LAMB1: variants seen among roughly 807,000 people sequenced by gnomAD.
LAMB1 encodes laminin subunit beta-1.
LAMB1 carries 121 observed loss-of-function variants against 222.3 expected under a neutral mutation model. The ratio of observed to expected loss-of-function variants is 0.54; its 90% CI spans 0.47 to 0.63. The LOEUF (loss-of-function observed/expected upper bound fraction) is 0.63. LAMB1 is among the 30% of genes least tolerant of loss of function. The pLI is 0.00. For missense variants in LAMB1, 2,172 were observed against 2,240.8 expected, an observed-to-expected ratio of 0.97 and a Z score of 0.62; for synonymous variants, 794 against 807.2, an observed-to-expected ratio of 0.98 and a Z score of 0.28.
At chr7:107,994,690 T>G (rs981869936) in intron 5 of LAMB1, among the ~76,000 whole-genome samples, 197 bp downstream of exon 5, 1 of 152,254 alleles carries the variant, frequency 6.6e-6, no homozygotes, top group Non-Finnish European at 1.5e-5. Context: ...CTCTTTCTAC[T>G]TATTGTCATG....
At chr7:107,972,313 TG>T (rs1473359921) in intron 13 of LAMB1, among the ~76,000 whole-genome samples, 1 of 152,184 alleles carries the variant, frequency 6.6e-6, no homozygotes, top group Non-Finnish European at 1.5e-5. Context: ...GTGTTCTCTC[TG>T]GGAAGACTCA....
chr7:107,941,803 C>T (rs1244001937), intron 24 of LAMB1, among the ~76,000 whole-genome samples: 1 of 131,198 alleles, frequency 7.6e-6, no homozygotes, highest in Non-Finnish European at 1.6e-5. Context: ...GGATTACAGG[C>T]ATGCGCCACC....
Position 108,003,121 on chromosome 7 carries a change from G to C in LAMB1, c.-97C>G. Reference sequence around the variant, plus strand: ...CTTTGTTCTCCTCACCCGGCGACGCGAGCTCTCGCCCTGCTCCGGGAGCCC... The same window carrying C: ...CTTTGTTCTCCTCACCCGGCGACGCCAGCTCTCGCCCTGCTCCGGGAGCCC... On this transcript the variant is annotated 5_prime_UTR_variant, in exon 1 of 34. Transcript: ENST00000222399. 1 of 844,326 alleles carries C rather than the reference G, an allele frequency of 1.2e-6. No homozygotes were observed. The highest frequency in any genetic ancestry group is 1.7e-6 in the Non-Finnish European group (1 of 577,428). 52.3% of individuals were successfully genotyped at this position (844,326 alleles called of 1,614,324 possible). A position where few individuals can be genotyped will look rare whatever the true frequency, so the allele number is the denominator to read the frequency against.
intron 5 of LAMB1, among the ~76,000 whole-genome samples, chr7:107,989,979 C>A (rs899383821): frequency 6.6e-6 from 1 of 152,100 alleles, no homozygotes; most frequent in Non-Finnish European, 1.5e-5. Flanking sequence ...CATTGCTGCA[C>A]AGTTGCCTCC....
chr7:107,959,696 C>T lies in LAMB1; in HGVS notation c.2453G>A (p.Cys818Tyr). 3 of 1,614,228 alleles carry T rather than the reference C, an allele frequency of 1.9e-6. No homozygotes were observed. Among genetic ancestry groups the T allele is most frequent in the Non-Finnish European group, 2.5e-6 (3 of 1,180,044 alleles). Residue 818 changes from cysteine to tyrosine, a missense_variant, in exon 19 of 34, where the codon TGC becomes TAC. Cys to Tyr is a radical substitution (Grantham distance 194, BLOSUM62 -2). Transcript: ENST00000222399. ...AATGCTTTTGAGGAACCTACGTTTG[C>T]ATCCACTGGGGCCAAAGCCAAAAGT... ...PGTFGFGPSG[C>Y]KPCECHLQGS...
chr7:107,935,067 T>C (rs565374665), intron 27 of LAMB1, among the ~76,000 whole-genome samples: 3 of 151,690 alleles, frequency 2.0e-5, no homozygotes, highest in Non-Finnish European at 2.9e-5. Flanking sequence ...GGAAAAAAAA[T>C]ATTAAAGAAA....
At chr7:107,927,128 C>G (rs2032584710) in intron 31 of LAMB1, among the ~76,000 whole-genome samples, 2 of 152,068 alleles carry the variant, frequency 1.3e-5, no homozygotes, top group Non-Finnish European at 1.5e-5. Flanking sequence ...AATAACAGTA[C>G]TGCTATAATG....
Position 107,955,501 on chromosome 7 carries a change from T to C in LAMB1, c.2820A>G (p.Leu940=). ...ARSCYQDPVT[L]QLACVCDPGY... ...CAGGATCACAAACACAGGCAAGCTG[T>C]AAAGTAACAGGATCTTGGTAGCAGC... Residue 940 remains leucine, a synonymous_variant, in exon 21 of 34, where the codon TTA becomes TTG. Coordinates refer to ENST00000222399, the MANE Select transcript of LAMB1 (RefSeq NM_002291.3). 6.2e-7 allele frequency: 1 copy of C among 1,614,028 alleles called. No individual in the cohort carries two copies. Among genetic ancestry groups the C allele is most frequent in the South Asian group, 1.1e-5 (1 of 91,072 alleles).
At chr7:107,940,423 A>C in intron 24 of LAMB1, 65 bp from the exon 25 acceptor site, 1 of 1,507,804 alleles carries the variant, frequency 6.6e-7, no homozygotes. Flanking sequence ...AAGATGTGGC[A>C]TTTAGAATAC....
chr7:107,935,504 A>C lies in LAMB1; in HGVS notation c.4099T>G (p.Phe1367Val), dbSNP rs765809321. 2 of 1,613,694 alleles carry C rather than the reference A, an allele frequency of 1.2e-6. No homozygotes were observed. Among genetic ancestry groups the C allele is most frequent in the African/African-American group, 2.7e-5 (2 of 74,884 alleles). ...EDVMMERESQ[F>V]KEKQEEQARL... ...GCCTGCTCCTCTTGTTTTTCCTTGA[A>C]CTGGGATTCTCGCTCCATCATCACG... The change falls in exon 27 of 34, where the codon TTC (phenylalanine) becomes GTC (valine). Residue 1367 changes from phenylalanine to valine, a missense_variant. Phe to Val is a conservative substitution (Grantham distance 50, BLOSUM62 -1). Transcript: ENST00000222399.
At chr7:107,955,773 C>G (rs1387967640) in intron 20 of LAMB1, 143 bp from the exon 21 acceptor site, 1 of 749,686 alleles carries the variant, frequency 1.3e-6, no homozygotes, top group East Asian at 3.1e-5. Context: ...TGCTCTGTCA[C>G]CCAGGCTGGA....
intron 5 of LAMB1, among the ~76,000 whole-genome samples, chr7:107,993,237 G>T (rs576235308): frequency 1.3e-5 from 2 of 152,112 alleles, no homozygotes; most frequent in African/African-American, 2.4e-5. Flanking sequence ...GGGTTCAAAC[G>T]ATTCTCCTGC....
chr7:107,966,651 C>T lies in LAMB1; in HGVS notation c.1563-1964G>A, dbSNP rs148266124. On this transcript the variant is annotated intron_variant, in intron 13 of 33. Transcript: ENST00000222399. ...GGCATCAGACATTACATCATATGGA[C>T]AAAAGAAAATTCTTTCCTCCCCAGA... 1.2e-4 allele frequency among the ~76,000 whole-genome samples: 18 copies of T among 152,296 alleles called. 1 individual carries two copies. Among genetic ancestry groups the T allele is most frequent in the African/African-American group, 4.3e-4 (18 of 41,564 alleles).
rs2033472522 is a variant in LAMB1, at chr7:107,960,422, T to TGCAGCTGCC, written c.2314+14_2314+22dup. The TGCAGCTGCC allele has an allele frequency of 2.5e-6, 4 of 1,575,368 alleles. No individual in the cohort carries two copies. The East Asian group carries it at 8.9e-5, about 35-fold the overall frequency. On this transcript the variant is annotated intron_variant, in intron 18 of 33. Transcript: ENST00000222399. The stretch of plus-strand genomic sequence containing the variant: ...ACTCAGAGCCAGAAACAGCAGCTGC[T>TGCAGCTGCC]GCAGCTGCCCAGCAATACCTACCCA...
At chr7:107,996,554 G>C (rs1326306659) in intron 4 of LAMB1, among the ~76,000 whole-genome samples, 1 of 152,170 alleles carries the variant, frequency 6.6e-6, no homozygotes, top group African/African-American at 2.4e-5. Context: ...AGAGATGATA[G>C]GGTATAGTAA....
In LAMB1 at chr7:107,959,486, G is replaced by T. The variant is rs1206060236; in HGVS notation, c.2459-6C>A. ...TTGCAGATGGCACTCACAAGCTAAA[G>T]AAACAGGCAAACAAGGAACTGCCTT... On this transcript the variant is annotated splice_region_variant and splice_polypyrimidine_tract_variant and intron_variant, in intron 19 of 33. Coordinates refer to ENST00000222399, the MANE Select transcript of LAMB1 (RefSeq NM_002291.3). 1 of 1,613,866 alleles carries T rather than the reference G, an allele frequency of 6.2e-7. No homozygotes were observed. Among genetic ancestry groups the T allele is most frequent in the Non-Finnish European group, 8.5e-7 (1 of 1,179,860 alleles).
chr7:107,987,869 G>C (rs1356404506), intron 5 of LAMB1, among the ~76,000 whole-genome samples: 1 of 152,240 alleles, frequency 6.6e-6, no homozygotes, highest in East Asian at 1.9e-4. Context: ...GCACGTGGCA[G>C]AAGAGGTTGG....
rs2032738022 is a variant in LAMB1, at chr7:107,932,508, T to G, written c.4189-131A>C. The G allele has an allele frequency of 5.2e-6, 4 of 775,520 alleles. No individual in the cohort carries two copies. In the Admixed American group the frequency reaches 8.4e-5, roughly 16 times the overall value. The allele number at this position is 775,520 out of a possible 1,614,324, so 48.0% of individuals were successfully genotyped here. Reference sequence around the variant, plus strand: ...CAGCAAGGGTGCTTGAAAACAGTGTTTGGGAGACAGAATGGAGAGAGGAGC... The same window carrying G: ...CAGCAAGGGTGCTTGAAAACAGTGTGTGGGAGACAGAATGGAGAGAGGAGC... On this transcript the variant is annotated intron_variant, in intron 27 of 33. Coordinates refer to ENST00000222399, the MANE Select transcript of LAMB1 (RefSeq NM_002291.3).
chr7:107,951,715 G>C (rs1320937890), intron 23 of LAMB1, among the ~76,000 whole-genome samples: 1 of 152,174 alleles, frequency 6.6e-6, no homozygotes, highest in East Asian at 1.9e-4. Flanking sequence ...GAGAAGCTAA[G>C]AAAAGAGTCT....
Sources: gnomAD v4.1 joint callset for allele counts (sites outside exome capture counted in the v4.1 genomes callset) on GRCh38, gnomAD v4.1.1 for gene constraint, MANE v1.5 for transcripts, NCBI Gene and HGNC (gene_info 2026-07-23, HGNC 2026-07-21) for gene names.